The following COL25A1 variants were observed in gnomAD, a reference collection of about 807,000 sequenced individuals.
COL25A1 encodes the protein collagen alpha-1(XXV) chain.
Under a neutral mutation model 128.4 loss-of-function variants are expected in COL25A1, and 103 were observed. The observed-to-expected ratio is 0.80, with a 90% CI of 0.68 to 0.94. The LOEUF is 0.94. COL25A1 is among the 40% of genes least tolerant of loss of function. The probability of loss-of-function intolerance (pLI) is 0.00; values close to 1 mark genes in which losing one functional copy is unlikely to be tolerated. For missense variants in COL25A1, 745 were observed against 840.0 expected (o/e 0.89, Z 1.40); for synonymous variants, 279 against 277.2 (o/e 1.01, Z -0.06).
At chr4:109,254,564 T>C (rs2126248347) in intron 3 of COL25A1, among the ~76,000 whole-genome samples, 1 of 145,686 alleles carries the variant, frequency 6.9e-6, no homozygotes, top group South Asian at 2.2e-4. Context: ...ATTTAATACA[T>C]GCCCCCTCAT....
At chr4:109,029,761 T>C (rs1156296552) in intron 5 of COL25A1, among the ~76,000 whole-genome samples, 1 of 152,162 alleles carries the variant, frequency 6.6e-6, no homozygotes, top group Non-Finnish European at 1.5e-5. Context: ...TTGTCTATAT[T>C]TATTCAATAA....
chr4:109,044,779 T>A (rs915700177), intron 5 of COL25A1, among the ~76,000 whole-genome samples: 5 of 152,142 alleles, frequency 3.3e-5, no homozygotes, highest in Non-Finnish European at 5.9e-5. Context: ...TGACAATATA[T>A]GCCTCGATAG....
At chr4:109,012,957 A>G (rs1383806851) in intron 5 of COL25A1, among the ~76,000 whole-genome samples, 1 of 152,200 alleles carries the variant, frequency 6.6e-6, no homozygotes. Flanking sequence ...AACTTGGAGA[A>G]CTTTTATGTC....
At chr4:108,826,990 T>C (rs888916465) in intron 33 of COL25A1, 145 bp downstream of exon 33, 1 of 715,068 alleles carries the variant, frequency 1.4e-6, no homozygotes, top group Admixed American at 2.2e-5. Flanking sequence ...GTGAAGGACA[T>C]GGAAGTACTG....
At chr4:108,911,273 C>T (rs10018702) in intron 13 of COL25A1, among the ~76,000 whole-genome samples, 115,716 of 152,036 alleles carry the variant, frequency 0.76, 44,453 homozygotes, top group East Asian at 1. Context: ...AAATTGTAAG[C>T]ATTGCAACAT....
intron 3 of COL25A1, among the ~76,000 whole-genome samples, chr4:109,191,248 G>A (rs770731785): frequency 1.3e-5 from 2 of 152,132 alleles, no homozygotes; most frequent in Non-Finnish European, 2.9e-5. Context: ...TTATGTATTT[G>A]CCTGTCAGGT....
intron 19 of COL25A1, among the ~76,000 whole-genome samples, chr4:108,873,568 T>TAGTAGTAGC (rs528864282): frequency 0.05 from 7,194 of 144,812 alleles, 278 homozygotes; most frequent in East Asian, 0.14. Flanking sequence ...GTAGCAGCAG[T>TAGTAGTAGC]AGCAGCAGTA....
At chr4:109,235,965 C>A (rs1394489526) in intron 3 of COL25A1, among the ~76,000 whole-genome samples, 2 of 152,130 alleles carry the variant, frequency 1.3e-5, no homozygotes, top group African/African-American at 2.4e-5. Context: ...TACTTCTCCA[C>A]ACCCCATAGT....
intron 3 of COL25A1, among the ~76,000 whole-genome samples, chr4:109,145,749 G>A (rs777201495): frequency 1.3e-5 from 2 of 152,142 alleles, no homozygotes; most frequent in African/African-American, 4.8e-5. Context: ...GCTGAAGCAG[G>A]AGAATCACTT....
chr4:108,949,427 G>A (rs996783853), intron 8 of COL25A1, among the ~76,000 whole-genome samples: 1 of 152,122 alleles, frequency 6.6e-6, no homozygotes. Flanking sequence ...GAGACACGAA[G>A]AGGTGAGGGG....
intron 2 of COL25A1, 136 bp from the exon 3 acceptor site, chr4:109,300,788 T>C: frequency 3.3e-6 from 2 of 610,820 alleles, no homozygotes; most frequent in Admixed American, 2.8e-5. Context: ...GTACTTGGAC[T>C]CTAGTCAAGA....
intron 3 of COL25A1, among the ~76,000 whole-genome samples, chr4:109,299,883 AG>A (rs950560599): frequency 1.3e-5 from 2 of 152,166 alleles, no homozygotes; most frequent in African/African-American, 4.8e-5. Context: ...ATGATTACCC[AG>A]GGGTCTTATT....
At chr4:109,076,222 T>C (rs913760810) in intron 3 of COL25A1, among the ~76,000 whole-genome samples, 2 of 151,946 alleles carry the variant, frequency 1.3e-5, no homozygotes, top group African/African-American at 4.8e-5. Flanking sequence ...AACAACTATA[T>C]ATCTACACTC....
intron 5 of COL25A1, among the ~76,000 whole-genome samples, chr4:109,025,173 G>T (rs993045766): frequency 2.0e-5 from 3 of 152,166 alleles, no homozygotes; most frequent in Non-Finnish European, 4.4e-5. Flanking sequence ...ATGGAATCAG[G>T]ATTGGCAATC....
chr4:108,950,056 T>C (rs1749227502), intron 8 of COL25A1, among the ~76,000 whole-genome samples: 1 of 152,144 alleles, frequency 6.6e-6, no homozygotes, highest in Admixed American at 6.5e-5. Context: ...GGGATCTCTT[T>C]TGCTAACATT....
At chr4:109,228,343 C>T (rs1778941626) in intron 3 of COL25A1, among the ~76,000 whole-genome samples, 1 of 152,126 alleles carries the variant, frequency 6.6e-6, no homozygotes, top group Non-Finnish European at 1.5e-5. Flanking sequence ...GGCACCCACA[C>T]ACATCTCTTT....
At chr4:109,178,187 G>A (rs189113428) in intron 3 of COL25A1, among the ~76,000 whole-genome samples, 5 of 152,248 alleles carry the variant, frequency 3.3e-5, no homozygotes, top group African/African-American at 9.6e-5. Context: ...CAAATAAGGT[G>A]TAACAAACAT....
chr4:108,884,373 A>G, intron 18 of COL25A1, 151 bp from the exon 19 acceptor site: 1 of 673,606 alleles, frequency 1.5e-6, no homozygotes, highest in Non-Finnish European at 2.4e-6. Flanking sequence ...AGATTATGCA[A>G]TTCAGTCAAC....
At chr4:108,962,986 C>T (rs1309611203) in intron 8 of COL25A1, among the ~76,000 whole-genome samples, 5 of 152,168 alleles carry the variant, frequency 3.3e-5, no homozygotes, top group African/African-American at 1.2e-4. Flanking sequence ...GCTGTGTCTG[C>T]TACAGGGGGC....
Sources: allele counts gnomAD v4.1 joint callset (sites outside exome capture counted in the v4.1 genomes callset), GRCh38; gene constraint gnomAD v4.1.1; transcripts MANE v1.5; gene names NCBI Gene and HGNC (gene_info 2026-07-23, HGNC 2026-07-21).